MSRB3: variants seen among roughly 807,000 people sequenced by gnomAD.
The protein encoded by MSRB3 is methionine sulfoxide reductase B3.
A neutral mutation model predicts 21.0 loss-of-function variants in MSRB3; 13 were observed. The ratio of observed to expected loss-of-function variants is 0.62; its 90% confidence interval spans 0.40 to 0.98. The LOEUF (loss-of-function observed/expected upper bound fraction) is 0.98. Among genes scored for constraint, MSRB3 ranks in the 50% least tolerant of loss-of-function variants. The pLI, the probability that MSRB3 is intolerant of heterozygous loss-of-function variation, is 0.00. For missense variants in MSRB3, 199 were observed against 230.3 expected, an observed-to-expected ratio of 0.86 and a Z score of 0.88; for synonymous variants, 87 against 88.6, an observed-to-expected ratio of 0.98 and a Z score of 0.10.
At chr12:65,385,774 C>A (rs2136566908) in intron 5 of MSRB3, among the ~76,000 whole-genome samples, 1 of 151,924 alleles carries the variant, frequency 6.6e-6, no homozygotes, top group Admixed American at 6.5e-5. Flanking sequence ...TTACTTCTGC[C>A]ATCTTGTTTC....
chr12:65,354,281 A>G (rs900830421), intron 4 of MSRB3, among the ~76,000 whole-genome samples: 1 of 152,014 alleles, frequency 6.6e-6, no homozygotes, highest in African/African-American at 2.4e-5. Flanking sequence ...GTGCCCTGCT[A>G]GATTGGGGAA....
chr12:65,346,901 T>A (rs76302221), intron 4 of MSRB3, among the ~76,000 whole-genome samples: 35,030 of 152,118 alleles, frequency 0.23, 4,887 homozygotes, highest in Admixed American at 0.34. Context: ...GCTGTAGATA[T>A]GCAGCATTAT....
intron 5 of MSRB3, among the ~76,000 whole-genome samples, chr12:65,450,997 A>G (rs1349341547): frequency 2.0e-5 from 3 of 152,198 alleles, no homozygotes; most frequent in South Asian, 2.1e-4. Flanking sequence ...TACTCTTTGT[A>G]TAGAATGTCA....
chr12:65,394,973 G>C (rs1158904131), intron 5 of MSRB3, among the ~76,000 whole-genome samples: 1 of 152,032 alleles, frequency 6.6e-6, no homozygotes, highest in Non-Finnish European at 1.5e-5. Context: ...ATGGTGAAAA[G>C]GCAGAATGCT....
At chr12:65,349,634 T>C (rs1310085659) in intron 4 of MSRB3, among the ~76,000 whole-genome samples, 5 of 147,488 alleles carry the variant, frequency 3.4e-5, no homozygotes, top group Non-Finnish European at 7.4e-5. Flanking sequence ...CATTGTGGTT[T>C]TGATTTGCAT....
chr12:65,412,887 G>A (rs1356486875), intron 5 of MSRB3, among the ~76,000 whole-genome samples: 1 of 152,152 alleles, frequency 6.6e-6, no homozygotes, highest in Non-Finnish European at 1.5e-5. Flanking sequence ...TGGCAGGAAG[G>A]AGAAGTGCCG....
rs12312547 is a variant in MSRB3, at chr12:65,303,668, G to T, written c.-51-4861G>T. Among the ~76,000 whole-genome samples the T allele has an allele frequency of 8.0e-3, 1,219 of 152,168 alleles. 17 individuals carry two copies. The highest frequency in any genetic ancestry group is 0.028 in the African/African-American group (1,176 of 41,494). The stretch of plus-strand genomic sequence containing the variant: ...ACTCAATAAATAAATGCCGGGTACT[G>T]GGATGCAGGGATAAAAGACACTGTC... On this transcript the variant is annotated intron_variant, in intron 1 of 6. Coordinates refer to ENST00000308259, the MANE Select transcript of MSRB3 (RefSeq NM_001031679.3).
chr12:65,413,543 C>A (rs1880822278), intron 5 of MSRB3, among the ~76,000 whole-genome samples: 1 of 148,156 alleles, frequency 6.7e-6, no homozygotes, highest in Admixed American at 6.8e-5. Context: ...TCCATGAACT[C>A]TAGTCTTTCT....
intron 5 of MSRB3, among the ~76,000 whole-genome samples, chr12:65,443,029 G>C (rs1261187963): frequency 6.6e-6 from 1 of 152,170 alleles, no homozygotes; most frequent in Admixed American, 6.6e-5. Flanking sequence ...TTCACAAAGG[G>C]AAATAGGGAA....
intron 5 of MSRB3, among the ~76,000 whole-genome samples, chr12:65,409,815 C>T (rs1880622928): frequency 6.6e-6 from 1 of 152,086 alleles, no homozygotes; most frequent in Non-Finnish European, 1.5e-5. Flanking sequence ...AAGTCATCTA[C>T]TTGAGCTTTA....
At chr12:65,332,911 A>G (rs912416221) in intron 4 of MSRB3, among the ~76,000 whole-genome samples, 2 of 152,244 alleles carry the variant, frequency 1.3e-5, no homozygotes, top group Non-Finnish European at 2.9e-5. Flanking sequence ...AACCTAATGT[A>G]TAATTTATTC....
At chr12:65,450,394 C>T (rs1882804444) in intron 5 of MSRB3, among the ~76,000 whole-genome samples, 1 of 152,046 alleles carries the variant, frequency 6.6e-6, no homozygotes, top group Non-Finnish European at 1.5e-5. Context: ...AAGGGTGAAA[C>T]TATTTATTGA....
chr12:65,453,394 G>T (rs1882945144), intron 5 of MSRB3, among the ~76,000 whole-genome samples: 1 of 152,174 alleles, frequency 6.6e-6, no homozygotes, highest in South Asian at 2.1e-4. Flanking sequence ...TCAGGGCCAT[G>T]CTGAGTGACT....
intron 1 of MSRB3, among the ~76,000 whole-genome samples, chr12:65,299,213 A>G (rs558205384): frequency 7.9e-4 from 120 of 152,350 alleles, no homozygotes; most frequent in African/African-American, 2.8e-3. Context: ...GTTACAGAAT[A>G]TAAGTATTTA....
chr12:65,296,791 G>A (rs1565819671), intron 1 of MSRB3, among the ~76,000 whole-genome samples: 1 of 152,178 alleles, frequency 6.6e-6, no homozygotes, highest in Non-Finnish European at 1.5e-5. Flanking sequence ...GTTTAAAAGA[G>A]AAACAGATTT....
intron 4 of MSRB3, among the ~76,000 whole-genome samples, chr12:65,357,351 G>A (rs543398745): frequency 6.6e-6 from 1 of 151,836 alleles, no homozygotes; most frequent in East Asian, 1.9e-4. Flanking sequence ...ACTATTATAA[G>A]CCTGTCTTCT....
chr12:65,291,506 C>T (rs964893869), intron 1 of MSRB3, among the ~76,000 whole-genome samples: 1 of 150,586 alleles, frequency 6.6e-6, no homozygotes, highest in South Asian at 2.1e-4. Context: ...AAAGCCTGCT[C>T]AAACCTGCCC....
chr12:65,330,953 G>A (rs984113213), intron 4 of MSRB3, among the ~76,000 whole-genome samples: 10 of 152,036 alleles, frequency 6.6e-5, no homozygotes, highest in Non-Finnish European at 1.3e-4. Context: ...CGAAATAATT[G>A]GAAGTCTTTT....
intron 4 of MSRB3, among the ~76,000 whole-genome samples, chr12:65,357,421 G>C (rs1877449975): frequency 6.6e-6 from 1 of 151,892 alleles, no homozygotes; most frequent in Non-Finnish European, 1.5e-5. Flanking sequence ...CAGAAAAATT[G>C]AGATAGTTCA....
Sources: allele counts gnomAD v4.1 joint callset (sites outside exome capture counted in the v4.1 genomes callset), GRCh38; gene constraint gnomAD v4.1.1; transcripts MANE v1.5; gene names NCBI Gene and HGNC (gene_info 2026-07-23, HGNC 2026-07-21).